The following ERGIC2 variants were observed in gnomAD, a reference collection of about 807,000 sequenced individuals.
ERGIC2 encodes endoplasmic reticulum-Golgi intermediate compartment protein 2.
In ERGIC2, 31 loss-of-function variants were observed where a neutral mutation model predicts 52.5. The ratio of observed to expected loss-of-function variants is 0.59; its 90% CI spans 0.44 to 0.80. The LOEUF (loss-of-function observed/expected upper bound fraction) is 0.80. Among genes scored for constraint, ERGIC2 ranks in the 30% least tolerant of loss-of-function variants. ERGIC2 has a pLI of 0.00. For synonymous variants in ERGIC2, 129 were observed against 140.6 expected (o/e 0.92, Z 0.58); for missense variants, 395 against 455.2 (o/e 0.87, Z 1.20).
Position 29,337,575 on chromosome 12 carries a change from A to G in ERGIC2, c.*3581T>C, listed in dbSNP as rs1010585087. 5 of 152,192 alleles carry G rather than the reference A, an allele frequency of 3.3e-5. No individual in the cohort carries two copies. Among genetic ancestry groups the G allele is most frequent in the South Asian group, 2.1e-4 (1 of 4,834 alleles). 9.4% of individuals were successfully genotyped at this position (152,192 alleles called of 1,614,324 possible). A position where few individuals can be genotyped will look rare whatever the true frequency, so the allele number is the denominator to read the frequency against. On this transcript the variant is annotated 3_prime_UTR_variant, in exon 14 of 14. Transcript: ENST00000360150. ...TGGATCTTGATCCGGGCATTTTACC[A>G]TAAGGTAGTAAACAACTGGTGACCT...
intron 5 of ERGIC2, among the ~76,000 whole-genome samples, chr12:29,365,960 A>G (rs1419454149): frequency 6.6e-6 from 1 of 152,014 alleles, no homozygotes; most frequent in Non-Finnish European, 1.5e-5. Flanking sequence ...CAAAAGGCAC[A>G]TATCAAGTTT....
At chr12:29,357,753 C>T (rs1201047056) in intron 6 of ERGIC2, 29 bp from the exon 7 acceptor site, 6 of 1,237,088 alleles carry the variant, frequency 4.9e-6, no homozygotes, top group Non-Finnish European at 6.0e-6. Context: ...TTTAGAACTA[C>T]AGAAAGGTAC....
At chr12:29,343,614 T>A (rs754628562) in intron 11 of ERGIC2, among the ~76,000 whole-genome samples, 8 of 152,178 alleles carry the variant, frequency 5.3e-5, no homozygotes, top group Non-Finnish European at 1.0e-4. Context: ...AACTGCAAGC[T>A]TTAGGAATAC....
rs1949832995 is a variant in ERGIC2, at chr12:29,340,889, A to T, written c.*267T>A. On this transcript the variant is annotated 3_prime_UTR_variant, in exon 14 of 14. Coordinates refer to ENST00000360150, the MANE Select transcript of ERGIC2 (RefSeq NM_016570.3). Reference sequence around the variant, plus strand: ...TTGATACCACCCATTTGCTATGAAAATATAAGAAGGCGTCATCTTCAAAGC... The same window carrying T: ...TTGATACCACCCATTTGCTATGAAATTATAAGAAGGCGTCATCTTCAAAGC... 4 of 496,794 alleles carry T rather than the reference A, an allele frequency of 8.1e-6. No individual in the cohort carries two copies. The highest frequency in any genetic ancestry group is 7.4e-6 in the Non-Finnish European group (2 of 269,006). The allele number at this position is 496,794 out of a possible 1,614,324, so 30.8% of individuals were successfully genotyped here. A position where few individuals can be genotyped will look rare whatever the true frequency, so the allele number is the denominator to read the frequency against.
chr12:29,341,684 C>G (rs373968455), intron 13 of ERGIC2, 50 bp downstream of exon 13: 3 of 978,944 alleles, frequency 3.1e-6, no homozygotes, highest in Non-Finnish European at 4.9e-6. Flanking sequence ...ATAGACTTAA[C>G]AATGATTCTA....
rs767571070 is a variant in ERGIC2 at position 29,343,116 on chromosome 12, T to C, written c.988+4A>G. Reference sequence around the variant, plus strand: ...AATTAGACAAAAAGGAAATGGTTGTTAACCTGTTGTTGAAAAGATTCCTCC... The same window carrying C: ...AATTAGACAAAAAGGAAATGGTTGTCAACCTGTTGTTGAAAAGATTCCTCC... On this transcript the variant is annotated splice_donor_region_variant and intron_variant, in intron 12 of 13. Coordinates refer to ENST00000360150, the MANE Select transcript of ERGIC2 (RefSeq NM_016570.3). 3.2e-6 allele frequency: 5 copies of C among 1,583,786 alleles called. 1 individual carries two copies. Among genetic ancestry groups the C allele is most frequent in the South Asian group, 1.2e-5 (1 of 86,054 alleles).
chr12:29,358,811 C>T (rs947770090), intron 6 of ERGIC2, among the ~76,000 whole-genome samples: 1 of 151,960 alleles, frequency 6.6e-6, no homozygotes, highest in Non-Finnish European at 1.5e-5. Context: ...TCTAGATGTG[C>T]AAGCAGAAGA....
intron 1 of ERGIC2, among the ~76,000 whole-genome samples, chr12:29,376,655 C>A (rs941653997): frequency 6.6e-6 from 1 of 152,152 alleles, no homozygotes; most frequent in Non-Finnish European, 1.5e-5. Context: ...TAAATCTGCT[C>A]TTCATTTTCA....
At chr12:29,368,621 G>A (rs1940396758) in intron 3 of ERGIC2, among the ~76,000 whole-genome samples, 2 of 151,834 alleles carry the variant, frequency 1.3e-5, no homozygotes. Context: ...GTTCTTTTAA[G>A]AATGTAAAAC....
intron 5 of ERGIC2, among the ~76,000 whole-genome samples, chr12:29,362,370 G>A (rs1940299129): frequency 6.6e-6 from 1 of 152,148 alleles, no homozygotes; most frequent in Non-Finnish European, 1.5e-5. Context: ...GAGCTCAGGA[G>A]TTCAAGACCA....
intron 11 of ERGIC2, 152 bp from the exon 12 acceptor site, chr12:29,343,434 C>T: frequency 2.2e-6 from 1 of 461,876 alleles, no homozygotes. Context: ...TCCTACTAGA[C>T]TAAGCTCTTC....
intron 1 of ERGIC2, among the ~76,000 whole-genome samples, chr12:29,377,322 T>C (rs1227089214): frequency 6.6e-6 from 1 of 152,214 alleles, no homozygotes; most frequent in Non-Finnish European, 1.5e-5. Flanking sequence ...TGTCCCTCAG[T>C]ATCCATGGGG....
Position 29,350,078 on chromosome 12 carries a change from G to A in ERGIC2, c.573-10C>T, listed in dbSNP as rs1940111144. ...AGGATGTGGAATTGCCCTGAAAGGA[G>A]AAAAAACAATTATTAAAGTAGTACC... is the stretch of plus-strand genomic sequence containing the variant. On this transcript the variant is annotated splice_polypyrimidine_tract_variant and intron_variant, in intron 8 of 13. Coordinates refer to ENST00000360150, the MANE Select transcript of ERGIC2 (RefSeq NM_016570.3). The A allele has an allele frequency of 6.4e-7, 1 of 1,573,148 alleles. No individual in the cohort carries two copies. Among genetic ancestry groups the A allele is most frequent in the Non-Finnish European group, 8.7e-7 (1 of 1,145,488 alleles).
At chr12:29,346,317 T>C (rs1434697078) in intron 10 of ERGIC2, among the ~76,000 whole-genome samples, 1 of 151,644 alleles carries the variant, frequency 6.6e-6, no homozygotes, top group Non-Finnish European at 1.5e-5. Context: ...GCCTCCTGCG[T>C]AGCTGGGACT....
chr12:29,356,298 CAGGCGCGA>C (rs1940203527), intron 8 of ERGIC2, 76 bp downstream of exon 8: 1 of 792,860 alleles, frequency 1.3e-6, no homozygotes, highest in African/African-American at 1.7e-5. Context: ...GCTGGGATTA[CAGGCGCGA>C]GCCATCGGCC....
intron 5 of ERGIC2, among the ~76,000 whole-genome samples, chr12:29,366,542 G>A (rs1044508393): frequency 2.0e-5 from 3 of 151,226 alleles, no homozygotes; most frequent in Non-Finnish European, 3.0e-5. Context: ...CAAATTACTA[G>A]AGAAAAAGAA....
At chr12:29,355,532 T>A (rs546132928) in intron 8 of ERGIC2, among the ~76,000 whole-genome samples, 32 of 152,272 alleles carry the variant, frequency 2.1e-4, no homozygotes, top group African/African-American at 7.5e-4. Flanking sequence ...ATGGATCTAT[T>A]TATTCATTCA....
chr12:29,362,183 C>A (rs1275068476), intron 5 of ERGIC2, among the ~76,000 whole-genome samples: 1 of 152,176 alleles, frequency 6.6e-6, no homozygotes, highest in Non-Finnish European at 1.5e-5. Context: ...GAAATTTTAT[C>A]TAGGCATGAT....
intron 1 of ERGIC2, among the ~76,000 whole-genome samples, chr12:29,378,401 T>G (rs140846554): frequency 6.6e-6 from 1 of 152,264 alleles, no homozygotes; most frequent in Non-Finnish European, 1.5e-5. Flanking sequence ...TCCCAGCTTA[T>G]AGTAAGTTGT....
Sources: allele counts gnomAD v4.1 joint callset (sites outside exome capture counted in the v4.1 genomes callset), GRCh38; gene constraint gnomAD v4.1.1; transcripts MANE v1.5; gene names NCBI Gene and HGNC (gene_info 2026-07-23, HGNC 2026-07-21).